Variants in CLDN10 observed in about 807,000 individuals in gnomAD.
CLDN10 encodes the protein claudin-10.
CLDN10 carries 15 observed loss-of-function variants against 22.9 expected under a neutral mutation model. The ratio of observed to expected loss-of-function variants is 0.65; its 90% CI spans 0.44 to 1.01. The LOEUF (loss-of-function observed/expected upper bound fraction) is 1.01. Ranked by LOEUF, CLDN10 falls within the 50% of genes least tolerant of loss-of-function variation. CLDN10 has a pLI of 0.00. For synonymous variants in CLDN10, 114 were observed against 111.4 expected (o/e 1.02, Z -0.15); for missense variants, 247 against 287.8 (o/e 0.86, Z 1.03).
rs534069040 is a variant in CLDN10, at chr13:95,481,758, G to A, written c.214+47711G>A. On this transcript the variant is annotated intron_variant, in intron 1 of 4. Transcript: ENST00000376873. ...AACTCGATCAGGCACAGTAGCTCACGCCTGTAATCCCAGCATTTTGGGAAG... is the reference window on the plus strand; with the variant it reads ...AACTCGATCAGGCACAGTAGCTCACACCTGTAATCCCAGCATTTTGGGAAG... Among the ~76,000 whole-genome samples, 22 of 152,210 alleles carry A rather than the reference G, an allele frequency of 1.4e-4. 1 individual carries two copies. The South Asian group carries it at 2.7e-3, about 19-fold the overall frequency.
chr13:95,472,568 G>C (rs984940186), intron 1 of CLDN10, among the ~76,000 whole-genome samples: 5 of 151,466 alleles, frequency 3.3e-5, no homozygotes, highest in African/African-American at 1.2e-4. Flanking sequence ...TACTTGGGAA[G>C]CTAAGGCAGG....
intron 1 of CLDN10, among the ~76,000 whole-genome samples, chr13:95,545,917 A>G (rs896140403): frequency 6.6e-6 from 1 of 152,162 alleles, no homozygotes; most frequent in Non-Finnish European, 1.5e-5. Context: ...AAGCACGCAG[A>G]AGACAGATTT....
intron 3 of CLDN10, among the ~76,000 whole-genome samples, chr13:95,571,816 C>G (rs1196155341): frequency 6.6e-6 from 1 of 151,938 alleles, no homozygotes; most frequent in African/African-American, 2.4e-5. Flanking sequence ...TATGAGTGTA[C>G]TTTCTGGATT....
At chr13:95,568,487 T>C (rs1337407730) in intron 3 of CLDN10, among the ~76,000 whole-genome samples, 1 of 152,132 alleles carries the variant, frequency 6.6e-6, no homozygotes, top group Non-Finnish European at 1.5e-5. Flanking sequence ...GTAATTCAGC[T>C]CTTACCCCCA....
chr13:95,439,277 C>A (rs996388995), intron 1 of CLDN10, among the ~76,000 whole-genome samples: 1 of 152,026 alleles, frequency 6.6e-6, no homozygotes, highest in African/African-American at 2.4e-5. Context: ...CCATAGACGG[C>A]ACCTTCTCAC....
intron 1 of CLDN10, among the ~76,000 whole-genome samples, chr13:95,482,926 C>A (rs1156408390): frequency 6.6e-6 from 1 of 152,204 alleles, no homozygotes; most frequent in African/African-American, 2.4e-5. Context: ...TTGCAATGAG[C>A]CAAGATCGTG....
At chr13:95,492,108 G>A (rs545265950) in intron 1 of CLDN10, among the ~76,000 whole-genome samples, 11 of 152,216 alleles carry the variant, frequency 7.2e-5, no homozygotes, top group Middle Eastern at 3.4e-3. Flanking sequence ...CCTTAACTTC[G>A]GTGGTTTAAT....
intron 1 of CLDN10, among the ~76,000 whole-genome samples, chr13:95,559,526 A>G (rs952224542): frequency 1.2e-4 from 18 of 152,216 alleles, no homozygotes; most frequent in African/African-American, 4.3e-4. Flanking sequence ...ACTTCACTAA[A>G]GTATTCCCTT....
chr13:95,493,474 C>A (rs1299801795), intron 1 of CLDN10, among the ~76,000 whole-genome samples: 1 of 152,040 alleles, frequency 6.6e-6, no homozygotes, highest in Non-Finnish European at 1.5e-5. Flanking sequence ...CACTTCCCCT[C>A]CCCCAGTCTC....
chr13:95,532,805 A>G (rs999509601), intron 1 of CLDN10, among the ~76,000 whole-genome samples: 7 of 150,838 alleles, frequency 4.6e-5, no homozygotes, highest in African/African-American at 1.7e-4. Context: ...AAAAAAAAAA[A>G]AAAAAAAAAG....
At chr13:95,460,472 G>A (rs2042525507) in intron 1 of CLDN10, among the ~76,000 whole-genome samples, 2 of 152,076 alleles carry the variant, frequency 1.3e-5, no homozygotes, top group Admixed American at 1.3e-4. Flanking sequence ...TTACAATCAT[G>A]GTAGAAGGCG....
chr13:95,473,419 G>A (rs1391237717), intron 1 of CLDN10, among the ~76,000 whole-genome samples: 4 of 152,220 alleles, frequency 2.6e-5, no homozygotes, highest in Non-Finnish European at 5.9e-5. Flanking sequence ...GTCTAACAAG[G>A]GCTGAGGAAG....
At chr13:95,497,100 C>T (rs2042937452) in intron 1 of CLDN10, 2 of 149,984 alleles carry the variant, frequency 1.3e-5, no homozygotes, top group Non-Finnish European at 3.0e-5. Flanking sequence ...CTATACAGGG[C>T]AATACGGGGC....
intron 1 of CLDN10, among the ~76,000 whole-genome samples, chr13:95,525,427 C>T (rs916373398): frequency 2.0e-5 from 3 of 151,882 alleles, no homozygotes; most frequent in Non-Finnish European, 4.4e-5. Flanking sequence ...ATCTTTTTCC[C>T]ATTCTGTGGG....
intron 3 of CLDN10, among the ~76,000 whole-genome samples, chr13:95,561,796 C>G (rs1013660124): frequency 1.4e-5 from 2 of 143,084 alleles, no homozygotes; most frequent in African/African-American, 5.2e-5. Flanking sequence ...GTTAGGGCCT[C>G]TTTCTGTCAC....
chr13:95,471,957 TTTTTTTTG>T (rs71113935), intron 1 of CLDN10, among the ~76,000 whole-genome samples: 25,772 of 120,426 alleles, frequency 0.21, 2,583 homozygotes, highest in Non-Finnish European at 0.29. Flanking sequence ...TTTTTTTTTT[TTTTTTTTG>T]GTAGAGATAG....
intron 1 of CLDN10, among the ~76,000 whole-genome samples, chr13:95,528,083 G>GT (rs1362060488): frequency 4.6e-5 from 7 of 152,162 alleles, no homozygotes; most frequent in African/African-American, 1.7e-4. Flanking sequence ...GTGACTGGCT[G>GT]TATCTGTCTC....
chr13:95,527,803 C>T (rs1490972901), intron 1 of CLDN10, among the ~76,000 whole-genome samples: 1 of 152,158 alleles, frequency 6.6e-6, no homozygotes, highest in Non-Finnish European at 1.5e-5. Context: ...TGTATATCAT[C>T]TTATGGTGAA....
intron 1 of CLDN10, among the ~76,000 whole-genome samples, chr13:95,559,925 C>CAGG: frequency 6.6e-6 from 1 of 152,344 alleles, no homozygotes; most frequent in Non-Finnish European, 1.5e-5. Context: ...GAGGATTCCC[C>CAGG]ATAAACCGCA....
Sources: allele counts gnomAD v4.1 joint callset (sites outside exome capture counted in the v4.1 genomes callset), GRCh38; gene constraint gnomAD v4.1.1; transcripts MANE v1.5; gene names NCBI Gene and HGNC (gene_info 2026-07-23, HGNC 2026-07-21).